NEB: variants seen among roughly 807,000 people sequenced by gnomAD.
The protein encoded by NEB is nebulin.
In NEB, 512 loss-of-function variants were observed where a neutral mutation model predicts 952.2. The ratio of observed to expected loss-of-function variants is 0.54; its 90% CI spans 0.50 to 0.58. NEB has a LOEUF of 0.58. Ranked by LOEUF, NEB falls within the 20% of genes least tolerant of loss-of-function variation. NEB has a pLI of 0.00. For synonymous variants in NEB, 2,900 were observed against 3,149.8 expected (o/e 0.92, Z 2.66); for missense variants, 8,428 against 9,231.1 (o/e 0.91, Z 3.56).
At chr2:151,536,300 C>T (rs1228389362) in intron 141 of NEB, among the ~76,000 whole-genome samples, 3 of 152,190 alleles carry the variant, frequency 2.0e-5, no homozygotes, top group African/African-American at 7.2e-5. Context: ...CAAAAGTGGA[C>T]ACGACGAAAA....
intron 153 of NEB, among the ~76,000 whole-genome samples, chr2:151,520,225 T>A (rs116533849): frequency 0.019 from 2,818 of 152,230 alleles, 29 homozygotes; most frequent in Non-Finnish European, 0.029. Context: ...ATTAGGAGAA[T>A]TTATTGTTAT....
In NEB at chr2:151,621,598, T is replaced by G. The variant is rs12997759; in HGVS notation, c.10453-572A>C. Among the ~76,000 whole-genome samples, 980 of 152,330 alleles carry G rather than the reference T, an allele frequency of 6.4e-3. 9 individuals carry two copies. The highest frequency in any genetic ancestry group is 8.7e-3 in the Non-Finnish European group (589 of 68,038). Reference sequence around the variant, plus strand: ...ATTTAGGAGTCAAAACTGCAAAACTTTTTTGACTTCTTCTGTGAATTGAGA... The same window carrying G: ...ATTTAGGAGTCAAAACTGCAAAACTGTTTTGACTTCTTCTGTGAATTGAGA... On this transcript the variant is annotated intron_variant, in intron 71 of 181. Coordinates refer to ENST00000397345, the MANE Select transcript of NEB (RefSeq NM_001164508.2).
chr2:151,732,194 A>T (rs2099810660), intron 3 of NEB, among the ~76,000 whole-genome samples: 1 of 152,090 alleles, frequency 6.6e-6, no homozygotes, highest in Non-Finnish European at 1.5e-5. Flanking sequence ...GGAGATTTTC[A>T]TGTGTTTAGA....
In NEB at chr2:151,592,095, T is replaced by A. The variant is rs1345289654; in HGVS notation, c.14765A>T (p.Asn4922Ile). The A allele has an allele frequency of 1.2e-5, 19 of 1,549,516 alleles. No individual in the cohort carries two copies. The highest frequency in any genetic ancestry group is 1.5e-5 in the Non-Finnish European group (17 of 1,146,830). Residue 4922 changes from asparagine (N) to isoleucine (I), a missense_variant, in exon 95 of 182, where the codon AAC (asparagine) becomes ATC (isoleucine). Around this residue, in one of 11 missense-constraint regions of NEB, gnomAD observed 13 missense variants for 40.6 expected, o/e 0.32. Transcript: ENST00000397345. ...NAWEKEKANV[N>I]VPADTPLMLQ... ...CATCAGGGGAGTGTCAGCTGGCACG[T>A]TCACATTAGCCTTCTCTTTCTCCCA...
intron 84 of NEB, among the ~76,000 whole-genome samples, chr2:151,605,374 T>A (rs541454059): frequency 9.0e-6 from 1 of 111,300 alleles, no homozygotes; most frequent in African/African-American, 2.5e-5. Context: ...GGTCAAATGA[T>A]CTCCTAAGAG....
intron 17 of NEB, 106 bp downstream of exon 17, chr2:151,696,531 T>G: frequency 1.2e-6 from 1 of 834,078 alleles, no homozygotes; most frequent in Non-Finnish European, 2.0e-6. Context: ...TTGCTAATAC[T>G]TACTTAGCCT....
intron 31 of NEB, 38 bp from the exon 32 acceptor site, chr2:151,679,866 T>C (rs1376951383): frequency 6.2e-7 from 1 of 1,608,600 alleles, no homozygotes; most frequent in Non-Finnish European, 8.5e-7. Context: ...ACTTAGAGAC[T>C]GTGTTAGTAA....
intron 10 of NEB, among the ~76,000 whole-genome samples, chr2:151,715,455 C>T (rs894927653): frequency 6.6e-6 from 1 of 152,308 alleles, no homozygotes; most frequent in African/African-American, 2.4e-5. Context: ...AACTCACAAG[C>T]ATGTGATGGT....
intron 113 of NEB, 38 bp downstream of exon 113, chr2:151,568,033 C>A (rs1016236828): frequency 6.6e-7 from 1 of 1,512,006 alleles, no homozygotes; most frequent in African/African-American, 1.4e-5. Flanking sequence ...GAGCAAGGTC[C>A]CACTTTTGCA....
chr2:151,620,347 G>GTGTGTATATA (rs1441051822), intron 72 of NEB, among the ~76,000 whole-genome samples: 1 of 48,484 alleles, frequency 2.1e-5, no homozygotes. Flanking sequence ...GTATGTGTGT[G>GTGTGTATATA]TATATATATA....
At chr2:151,644,244 A>G in intron 56 of NEB, 115 bp from the exon 57 acceptor site, 1 of 1,398,078 alleles carries the variant, frequency 7.2e-7, no homozygotes, top group South Asian at 1.4e-5. Context: ...AGAGCCAAAG[A>G]CTTCAGTCTT....
Position 151,627,651 on chromosome 2 carries a change from C to A in NEB, c.10015G>T (p.Val3339Leu), listed in dbSNP as rs745641419. The A allele has an allele frequency of 3.1e-6, 5 of 1,613,972 alleles. No individual in the cohort carries two copies. The highest frequency in any genetic ancestry group is 4.2e-6 in the Non-Finnish European group (5 of 1,179,882). Residue 3339 changes from valine (V) to leucine (L), a missense_variant, in exon 69 of 182, where the codon GTG becomes TTG. Transcript: ENST00000397345. The stretch of plus-strand genomic sequence containing the variant: ...AAGGTCTGGCACTTCTTGGCTAACA[C>A]CACTCCCAGCATGTCCACTGGGCTG... ...FSSPVDMLGV[V>L]LAKKCQTLVS... is the part of the protein sequence containing the mutation.
chr2:151,568,466 A>G, intron 111 of NEB, 49 bp from the exon 112 acceptor site: 1 of 1,547,840 alleles, frequency 6.5e-7, no homozygotes, highest in Non-Finnish European at 8.9e-7. Context: ...TTGTTAAGAA[A>G]GCATCATGTT....
intron 88 of NEB, among the ~76,000 whole-genome samples, chr2:151,601,490 T>C (rs897924925): frequency 5.1e-5 from 6 of 117,466 alleles, no homozygotes; most frequent in Middle Eastern, 3.9e-3. Context: ...AAAAACAGTA[T>C]ATTTCTAGCA....
Position 151,656,167 on chromosome 2 carries a change from G to A in NEB, c.6481C>T (p.Arg2161Cys), listed in dbSNP as rs201758329. The A allele has an allele frequency of 7.2e-5, 115 of 1,593,876 alleles. No homozygotes were observed. Among genetic ancestry groups the A allele is most frequent in the East Asian group, 4.5e-4 (20 of 44,712 alleles). Residue 2161 changes from arginine (R) to cysteine (C), a missense_variant, in exon 49 of 182, where the codon CGC becomes TGC. Physicochemically the swap from Arg to Cys is radical, Grantham distance 180. This residue lies in a region of NEB where 2,851 missense variants were observed against 2,791.5 expected (regional missense o/e 1.02). Transcript: ENST00000397345. ...MNIELTRNMN[R>C]IQSDNEYKQD... ...GAAAGCCTTACATCACTCTGTATGC[G>A]ATTCATATTCCTGGTCAGCTCAATG...
intron 63 of NEB, among the ~76,000 whole-genome samples, chr2:151,638,833 GT>G (rs1453386025): frequency 3.0e-4 from 46 of 152,120 alleles, no homozygotes; most frequent in African/African-American, 8.4e-4. Flanking sequence ...GTGTGTGTGT[GT>G]GTGTGGGTTA....
At chr2:151,648,444 T>TA (rs914991510) in intron 54 of NEB, among the ~76,000 whole-genome samples, 1 of 152,214 alleles carries the variant, frequency 6.6e-6, no homozygotes, top group Non-Finnish European at 1.5e-5. Flanking sequence ...AGTTTCTCTT[T>TA]AAAAAATTTT....
chr2:151,539,763 T>C (rs1026675879), intron 138 of NEB, among the ~76,000 whole-genome samples: 2 of 152,112 alleles, frequency 1.3e-5, no homozygotes, highest in African/African-American at 2.4e-5. Flanking sequence ...TGAACATCTG[T>C]CCCCCCTAAT....
At chr2:151,614,620 G>A (rs1209172240) in intron 76 of NEB, 33 bp from the exon 77 acceptor site, 10 of 1,570,038 alleles carry the variant, frequency 6.4e-6, no homozygotes, top group Non-Finnish European at 8.7e-6. Context: ...ATAATGACAA[G>A]AACATCTTAT....
Sources: allele counts gnomAD v4.1 joint callset (sites outside exome capture counted in the v4.1 genomes callset), GRCh38; gene constraint gnomAD v4.1.1; regional missense constraint gnomAD v4.1.1; transcripts MANE v1.5; gene names NCBI Gene and HGNC (gene_info 2026-07-23, HGNC 2026-07-21).